BLTP1: variants seen among roughly 807,000 people sequenced by gnomAD.
The protein encoded by BLTP1 is fragile site-associated protein.
chr4:122,170,924 C>G, the BLTP1 span, among the ~76,000 whole-genome samples: 1 of 152,040 alleles, frequency 6.6e-6, no homozygotes, highest in African/African-American at 2.4e-5. Context: ...CTGAAATGCT[C>G]TACTTTTTCT....
the BLTP1 span, chr4:122,343,341 TAAG>T: frequency 1.3e-6 from 2 of 1,586,080 alleles, no homozygotes; most frequent in Non-Finnish European, 1.7e-6. Flanking sequence ...GTCTGGTTCT[TAAG>T]AACATATTAT....
chr4:122,246,657 G>C, the BLTP1 span: 8 of 1,596,140 alleles, frequency 5.0e-6, no homozygotes, highest in South Asian at 7.9e-5. Context: ...TCACTTGTCA[G>C]TTCTGAAATT....
the BLTP1 span, chr4:122,257,455 T>C: frequency 4.3e-6 from 7 of 1,614,082 alleles, no homozygotes; most frequent in Non-Finnish European, 5.9e-6. Context: ...GTCTTCAAAG[T>C]GATACCAGTG....
At chr4:122,262,724 T>C in the BLTP1 span, 1 of 1,522,224 alleles carries the variant, frequency 6.6e-7, no homozygotes, top group Non-Finnish European at 8.8e-7. Context: ...CTGTCATTTT[T>C]ATATACATAA....
chr4:122,191,738 C>T, the BLTP1 span, among the ~76,000 whole-genome samples: 7 of 152,078 alleles, frequency 4.6e-5, no homozygotes, highest in Non-Finnish European at 1.0e-4. Context: ...TTAAAATACT[C>T]CTCCCTTTTC....
chr4:122,190,066 C>T, the BLTP1 span: 1 of 1,612,824 alleles, frequency 6.2e-7, no homozygotes, highest in African/African-American at 1.3e-5. Flanking sequence ...TCTACTACTA[C>T]ATGGATGAGC....
At chr4:122,265,258 T>C in the BLTP1 span, among the ~76,000 whole-genome samples, 1 of 152,324 alleles carries the variant, frequency 6.6e-6, no homozygotes, top group East Asian at 1.9e-4. Context: ...ACAACATACA[T>C]ACATCCTTCT....
the BLTP1 span, chr4:122,183,269 G>A: frequency 3.7e-6 from 2 of 536,934 alleles, no homozygotes; most frequent in South Asian, 8.2e-5. Flanking sequence ...CATGGAGATT[G>A]AGGCTGCAGT....
the BLTP1 span, chr4:122,188,860 A>G: frequency 1.5e-5 from 11 of 749,630 alleles, no homozygotes; most frequent in African/African-American, 1.7e-4. Context: ...TATGTGAAAC[A>G]TGATTATTCC....
the BLTP1 span, chr4:122,349,847 T>C: frequency 4.3e-6 from 7 of 1,612,346 alleles, no homozygotes; most frequent in African/African-American, 6.7e-5. The surrounding 1 kb of genome is among the most constrained non-coding windows in gnomAD (Gnocchi z 4.5). Context: ...GATTTTGTTT[T>C]ATGCTCTAGT....
At chr4:122,257,209 A>G in the BLTP1 span, 26 of 1,571,166 alleles carry the variant, frequency 1.7e-5, no homozygotes, top group Middle Eastern at 1.7e-4. Flanking sequence ...ATGGTAACTG[A>G]TATTATTACA....
chr4:122,350,045 G>C, the BLTP1 span: 1 of 1,613,748 alleles, frequency 6.2e-7, no homozygotes, highest in Admixed American at 1.7e-5. Flanking sequence ...ACAATGACTA[G>C]CAACCTAGAA....
At chr4:122,306,823 T>A in the BLTP1 span, 1 of 306,634 alleles carries the variant, frequency 3.3e-6, no homozygotes, top group Non-Finnish European at 4.8e-6. Flanking sequence ...ATTTTAGAAG[T>A]AATGAGGAGC....
At chr4:122,286,798 TA>T in the BLTP1 span, 1 of 1,601,048 alleles carries the variant, frequency 6.2e-7, no homozygotes, top group Non-Finnish European at 8.5e-7. Context: ...AAGTTTACTT[TA>T]AAATTTTCTT....
the BLTP1 span, chr4:122,154,381 G>C: frequency 2.7e-5 from 27 of 984,782 alleles, no homozygotes; most frequent in Non-Finnish European, 3.3e-5. Context: ...TGGGGTGGTG[G>C]TGATATGTAA....
At chr4:122,200,538 C>A in the BLTP1 span, 1 of 953,916 alleles carries the variant, frequency 1.0e-6, no homozygotes, top group Non-Finnish European at 1.2e-6. Context: ...CGAGATGTGT[C>A]ACTGCACTCC....
At chr4:122,305,077 A>G in the BLTP1 span, 1 of 1,296,808 alleles carries the variant, frequency 7.7e-7, no homozygotes, top group Non-Finnish European at 1.0e-6. Flanking sequence ...ATATTTACAA[A>G]AATATTTAGT....
the BLTP1 span, chr4:122,302,273 G>T: frequency 2.0e-6 from 2 of 981,474 alleles, no homozygotes; most frequent in Non-Finnish European, 1.2e-6. Flanking sequence ...AGTTTTATCA[G>T]TTCATTAGAC....
the BLTP1 span, among the ~76,000 whole-genome samples, chr4:122,326,312 A>C: frequency 6.6e-6 from 1 of 151,792 alleles, no homozygotes; most frequent in African/African-American, 2.4e-5. Context: ...CATTCTTTTG[A>C]GTCACTGGTG....
Sources: gnomAD v4.1 joint callset for allele counts (sites outside exome capture counted in the v4.1 genomes callset) on GRCh38, gnomAD v4.1.1 for gene constraint, Gnocchi (gnomAD v3.1) non-coding constraint, MANE v1.5 for transcripts, NCBI Gene and HGNC (gene_info 2026-07-23, HGNC 2026-07-21) for gene names.